The following ARL15 variants were observed in gnomAD, a reference collection of about 807,000 sequenced individuals.
ARL15 encodes the protein ADP-ribosylation factor-like protein 15.
In ARL15, 19 loss-of-function variants were observed where a neutral mutation model predicts 25.2. That is an observed-to-expected ratio of 0.75 (90% confidence interval 0.53 to 1.10). The LOEUF is 1.10. Among genes scored for constraint, ARL15 ranks in the 50% least tolerant of loss-of-function variants. ARL15 has a pLI of 0.00. For missense variants in ARL15, 220 were observed against 246.0 expected (o/e 0.89, Z 0.71); for synonymous variants, 94 against 86.8 (o/e 1.08, Z -0.46).
chr5:53,916,123 C>T (rs1477655107), intron 4 of ARL15, among the ~76,000 whole-genome samples: 1 of 151,968 alleles, frequency 6.6e-6, no homozygotes, highest in Non-Finnish European at 1.5e-5. Flanking sequence ...CTCCTGGGCT[C>T]AAGCGATCCT....
Position 54,069,388 on chromosome 5 carries a change from T to G in ARL15, c.462+43814A>C, listed in dbSNP as rs1044120038. Reference sequence around the variant, plus strand: ...GAGTTGGAGACCAGCCTGGCCAACATGGCGAAACCCCGTCTCTACTAAAAA... The same window carrying G: ...GAGTTGGAGACCAGCCTGGCCAACAGGGCGAAACCCCGTCTCTACTAAAAA... On this transcript the variant is annotated intron_variant, in intron 4 of 4. Transcript: ENST00000504924. 2.0e-5 allele frequency among the ~76,000 whole-genome samples: 3 copies of G among 151,952 alleles called. No individual in the cohort carries two copies. The East Asian group carries it at 5.9e-4, about 30-fold the overall frequency.
intron 3 of ARL15, 117 bp downstream of exon 3, chr5:54,154,463 A>T (rs1240257039): frequency 1.5e-6 from 1 of 661,922 alleles, no homozygotes; most frequent in African/African-American, 1.9e-5. Context: ...TATTATCAAG[A>T]TAAAAATGAA....
intron 1 of ARL15, among the ~76,000 whole-genome samples, chr5:54,208,418 A>G (rs1579912307): frequency 6.6e-6 from 1 of 152,076 alleles, no homozygotes; most frequent in Admixed American, 6.6e-5. Flanking sequence ...ACACACACGC[A>G]CACACACACA....
chr5:54,155,629 A>G (rs1754204763), intron 2 of ARL15, among the ~76,000 whole-genome samples: 1 of 152,070 alleles, frequency 6.6e-6, no homozygotes, highest in African/African-American at 2.4e-5. Context: ...AACTATTACC[A>G]TTCAAGACAA....
chr5:53,982,172 C>CT (rs5867907), intron 4 of ARL15, among the ~76,000 whole-genome samples: 114 of 145,440 alleles, frequency 7.8e-4, no homozygotes, highest in African/African-American at 1.8e-3. Flanking sequence ...TTTAAACATT[C>CT]TTTTTTTTTT....
intron 4 of ARL15, among the ~76,000 whole-genome samples, chr5:54,062,490 TG>T (rs1455343101): frequency 5.5e-5 from 8 of 146,752 alleles, no homozygotes; most frequent in African/African-American, 1.8e-4. Flanking sequence ...TGATAGTGAA[TG>T]AGACTCACGA....
At chr5:54,008,712 T>C (rs961960422) in intron 4 of ARL15, among the ~76,000 whole-genome samples, 1 of 152,246 alleles carries the variant, frequency 6.6e-6, no homozygotes, top group Non-Finnish European at 1.5e-5. Context: ...ACTGAAATCT[T>C]TTCCCAGTCC....
At chr5:54,240,453 T>C (rs1183487821) in intron 1 of ARL15, among the ~76,000 whole-genome samples, 7 of 152,110 alleles carry the variant, frequency 4.6e-5, no homozygotes, top group Admixed American at 4.6e-4. Context: ...GTACATCAAG[T>C]ATCGTTGATC....
At chr5:53,898,513 T>G (rs1201053715) in intron 4 of ARL15, among the ~76,000 whole-genome samples, 1 of 152,228 alleles carries the variant, frequency 6.6e-6, no homozygotes, top group Non-Finnish European at 1.5e-5. Flanking sequence ...ACTTCTTGAG[T>G]AAATTTCAGT....
intron 1 of ARL15, among the ~76,000 whole-genome samples, chr5:54,200,830 A>C (rs1264073425): frequency 6.6e-6 from 1 of 152,168 alleles, no homozygotes; most frequent in African/African-American, 2.4e-5. Context: ...GATAGGCGAA[A>C]ACAACAACTC....
At chr5:53,959,360 G>T (rs2112143685) in intron 4 of ARL15, among the ~76,000 whole-genome samples, 1 of 152,196 alleles carries the variant, frequency 6.6e-6, no homozygotes, top group Non-Finnish European at 1.5e-5. Flanking sequence ...AATCCCCCAA[G>T]GGCGCTTTTT....
At chr5:53,942,636 C>G (rs1273542760) in intron 4 of ARL15, among the ~76,000 whole-genome samples, 2 of 152,168 alleles carry the variant, frequency 1.3e-5, no homozygotes, top group African/African-American at 4.8e-5. Flanking sequence ...ATCCCAGCTA[C>G]TCAGGAGGCT....
At chr5:54,008,521 C>T (rs697108) in intron 4 of ARL15, among the ~76,000 whole-genome samples, 109,899 of 152,110 alleles carry the variant, frequency 0.72, 39,976 homozygotes, top group East Asian at 0.85. Flanking sequence ...CTAGAACTTG[C>T]AGGGGTTGGA....
At chr5:54,152,716 C>T (rs929887152) in intron 3 of ARL15, among the ~76,000 whole-genome samples, 9 of 152,184 alleles carry the variant, frequency 5.9e-5, no homozygotes, top group African/African-American at 1.4e-4. Context: ...AACCTCATTA[C>T]GAAATAGGTA....
intron 4 of ARL15, among the ~76,000 whole-genome samples, chr5:53,925,228 ACT>A (rs1745982060): frequency 6.8e-6 from 1 of 148,054 alleles, no homozygotes; most frequent in Admixed American, 6.8e-5. Flanking sequence ...AAGGTGTCTC[ACT>A]CTGTCACCGA....
At chr5:53,944,859 A>T (rs1459183796) in intron 4 of ARL15, among the ~76,000 whole-genome samples, 1 of 152,204 alleles carries the variant, frequency 6.6e-6, no homozygotes, top group Non-Finnish European at 1.5e-5. Flanking sequence ...AATACCAAAT[A>T]AACAAAATAG....
At chr5:53,946,444 G>A (rs1196075772) in intron 4 of ARL15, among the ~76,000 whole-genome samples, 5 of 128,388 alleles carry the variant, frequency 3.9e-5, no homozygotes, top group Admixed American at 8.5e-5. Flanking sequence ...AGCAAGACTC[G>A]GTCTCAAGAG....
At chr5:53,938,911 G>T (rs2112077853) in intron 4 of ARL15, among the ~76,000 whole-genome samples, 1 of 152,314 alleles carries the variant, frequency 6.6e-6, no homozygotes, top group South Asian at 2.1e-4. Context: ...TGGCAGTCTG[G>T]CCATATTAGC....
At chr5:54,242,780 C>T (rs1579944576) in intron 1 of ARL15, among the ~76,000 whole-genome samples, 1 of 152,158 alleles carries the variant, frequency 6.6e-6, no homozygotes, top group Non-Finnish European at 1.5e-5. Context: ...TAAAGTTGCA[C>T]TTACCCCTTT....
Sources: allele counts gnomAD v4.1 joint callset (sites outside exome capture counted in the v4.1 genomes callset), GRCh38; gene constraint gnomAD v4.1.1; transcripts MANE v1.5; gene names NCBI Gene and HGNC (gene_info 2026-07-23, HGNC 2026-07-21).